The following F8 variants were observed in gnomAD, a reference collection of about 807,000 sequenced individuals.
The protein encoded by F8 is antihemophilic factor.
Under a neutral mutation model 140.6 loss-of-function variants are expected in F8, and 12 were observed. That is an observed-to-expected ratio of 0.09 (90% confidence interval 0.05 to 0.14). The LOEUF (loss-of-function observed/expected upper bound fraction) is 0.14. Among genes scored for constraint, F8 ranks in the 10% least tolerant of loss-of-function variants. F8 has a pLI of 1.00. For missense variants in F8, 1,354 were observed against 1,720.7 expected, an observed-to-expected ratio of 0.79 and a Z score of 3.77; for synonymous variants, 585 against 614.6, an observed-to-expected ratio of 0.95 and a Z score of 0.71.
At chrX:154,877,943 A>G (rs781915869) in intron 22 of F8, among the ~76,000 whole-genome samples, 1 of 111,536 alleles carries the variant, frequency 9.0e-6, no homozygotes, top group African/African-American at 3.3e-5. Context: ...TACAAATCCT[A>G]GATTCCATAT....
At chrX:154,977,157 AT>A (rs199968005) in intron 6 of F8, among the ~76,000 whole-genome samples, 1 of 111,755 alleles carries the variant, frequency 8.9e-6, no homozygotes, top group Non-Finnish European at 1.9e-5. Flanking sequence ...TTGCAAGAAA[AT>A]TTTTTAAAAA....
intron 14 of F8, chrX:154,919,564 T>A (rs1420637349): frequency 4.1e-6 from 3 of 735,649 alleles, no homozygotes; most frequent in Non-Finnish European, 5.6e-6. Flanking sequence ...CCTGGCAGAC[T>A]CTCAGAATCT....
intron 13 of F8, among the ~76,000 whole-genome samples, chrX:154,940,235 C>T (rs1224102964): frequency 1.8e-5 from 2 of 111,095 alleles, no homozygotes; most frequent in Non-Finnish European, 3.8e-5. Flanking sequence ...GGAAGAAGTT[C>T]GAACCAATGG....
At chrX:154,999,672 TA>T in intron 1 of F8, 72 bp from the exon 2 acceptor site, 1 of 1,124,733 alleles carries the variant, frequency 8.9e-7, no homozygotes, top group African/African-American at 1.8e-5. Context: ...AATGCTTCCA[TA>T]CTACTCTTTT....
intron 23 of F8, 94 bp downstream of exon 23, chrX:154,862,989 C>T (rs1253742748): frequency 3.8e-5 from 39 of 1,013,266 alleles, no homozygotes; most frequent in East Asian, 3.7e-4. Flanking sequence ...GTCCTGATAC[C>T]GGGAACCCCT....
chrX:154,859,763 A>G (rs1021489954), intron 25 of F8, among the ~76,000 whole-genome samples: 7 of 111,424 alleles, frequency 6.3e-5, no homozygotes, highest in African/African-American at 2.3e-4. Context: ...TGGATAAGGG[A>G]ATTCTTCTTG....
intron 22 of F8, among the ~76,000 whole-genome samples, chrX:154,871,999 T>C (rs1253208634): frequency 8.9e-5 from 10 of 112,106 alleles, no homozygotes; most frequent in Non-Finnish European, 1.9e-4. Context: ...CACAATGAGA[T>C]ACCAACTCAC....
intron 16 of F8, 84 bp downstream of exon 16, chrX:154,904,727 G>A (rs1426147494): frequency 2.0e-5 from 18 of 879,330 alleles, no homozygotes; most frequent in Middle Eastern, 2.7e-4. Flanking sequence ...CTTATTGCAC[G>A]TAGGATAAAT....
At chrX:154,992,662 C>T (rs1379830274) in intron 4 of F8, among the ~76,000 whole-genome samples, 1 of 112,010 alleles carries the variant, frequency 8.9e-6, no homozygotes, top group African/African-American at 3.2e-5. Flanking sequence ...ATAAAGCCCA[C>T]AGATTTGAAG....
At chrX:154,937,621 G>T (rs1169415956) in intron 13 of F8, among the ~76,000 whole-genome samples, 1 of 111,023 alleles carries the variant, frequency 9.0e-6, no homozygotes, top group Non-Finnish European at 1.9e-5. Flanking sequence ...AAACAACTTA[G>T]ATGAAAGGGA....
intron 13 of F8, among the ~76,000 whole-genome samples, chrX:154,942,589 G>C (rs964259948): frequency 4.7e-5 from 5 of 107,273 alleles, no homozygotes; most frequent in Admixed American, 2.0e-4. Flanking sequence ...ACCAGAGGTA[G>C]AAGGAGGAAT....
At chrX:154,888,380 A>ATTTTTTTTTTTTTTT (rs782710109) in intron 22 of F8, among the ~76,000 whole-genome samples, 3 of 22,271 alleles carry the variant, frequency 1.3e-4, no homozygotes, top group Admixed American at 5.9e-4. Context: ...TGTAATAGGG[A>ATTTTTTTTTTTTTTT]TTTTTTTTTT....
chrX:154,866,547 A>G (rs927868606), intron 22 of F8, among the ~76,000 whole-genome samples: 2 of 112,165 alleles, frequency 1.8e-5, no homozygotes, highest in Non-Finnish European at 3.8e-5. Flanking sequence ...TCTGACCACA[A>G]TGGATTGAAA....
At chrX:154,965,315 T>C (rs2073417678) in intron 9 of F8, among the ~76,000 whole-genome samples, 1 of 111,919 alleles carries the variant, frequency 8.9e-6, no homozygotes, top group Non-Finnish European at 1.9e-5. Flanking sequence ...GTGTTCTTCA[T>C]GACATTCTTC....
intron 12 of F8, among the ~76,000 whole-genome samples, chrX:154,950,715 C>T (rs2073333184): frequency 8.9e-6 from 1 of 111,882 alleles, no homozygotes; most frequent in Non-Finnish European, 1.9e-5. Context: ...GTGGCAAAGT[C>T]TTTATCTCTC....
intron 13 of F8, among the ~76,000 whole-genome samples, chrX:154,940,794 C>T (rs1243119318): frequency 8.9e-6 from 1 of 111,920 alleles, no homozygotes; most frequent in African/African-American, 3.2e-5. Context: ...AAAGGGAAGC[C>T]CATCAGACTA....
At chrX:154,958,196 C>T (rs1405597626) in intron 10 of F8, among the ~76,000 whole-genome samples, 1 of 111,542 alleles carries the variant, frequency 9.0e-6, no homozygotes, top group African/African-American at 3.3e-5. Context: ...TTTCTTTCAG[C>T]TATCCTTCTG....
chrX:154,850,749 T>C (rs959893262), intron 25 of F8, among the ~76,000 whole-genome samples: 4 of 111,790 alleles, frequency 3.6e-5, no homozygotes, highest in Non-Finnish European at 7.5e-5. Context: ...CATTAGGTTT[T>C]CTTTTTGAGA....
At chrX:154,939,945 G>A (rs1037309683) in intron 13 of F8, among the ~76,000 whole-genome samples, 4 of 112,390 alleles carry the variant, frequency 3.6e-5, no homozygotes, top group Admixed American at 9.4e-5. Flanking sequence ...CAGACCTGCA[G>A]CTGAGGGTCC....
Sources: allele counts gnomAD v4.1 joint callset (sites outside exome capture counted in the v4.1 genomes callset), GRCh38; gene constraint gnomAD v4.1.1; transcripts MANE v1.5; gene names NCBI Gene and HGNC (gene_info 2026-07-23, HGNC 2026-07-21).